Variants in LRP1B observed in about 807,000 individuals in gnomAD.
The protein encoded by LRP1B is low-density lipoprotein receptor-related protein 1B.
Under a neutral mutation model 556.6 loss-of-function variants are expected in LRP1B, and 217 were observed. The ratio of observed to expected loss-of-function variants is 0.39; its 90% confidence interval spans 0.35 to 0.44. LRP1B has a LOEUF of 0.44. Ranked by LOEUF, LRP1B falls within the 20% of genes least tolerant of loss-of-function variation. LRP1B has a pLI of 1.00. For synonymous variants in LRP1B, 2,047 were observed against 1,865.8 expected (o/e 1.10, Z -2.50); for missense variants, 5,053 against 5,620.8 (o/e 0.90, Z 3.23).
intron 1 of LRP1B, among the ~76,000 whole-genome samples, chr2:141,872,216 C>T (rs1698613275): frequency 6.6e-6 from 1 of 151,832 alleles, no homozygotes; most frequent in Non-Finnish European, 1.5e-5. Context: ...AATAAATATT[C>T]ATGTATGTGT....
intron 2 of LRP1B, among the ~76,000 whole-genome samples, chr2:141,616,067 A>C (rs1325117364): frequency 6.6e-6 from 1 of 152,146 alleles, no homozygotes; most frequent in Non-Finnish European, 1.5e-5. Context: ...GCGGACCACG[A>C]GGTCAGGAGT....
At chr2:141,540,018 T>C (rs1344956241) in intron 2 of LRP1B, among the ~76,000 whole-genome samples, 1 of 152,078 alleles carries the variant, frequency 6.6e-6, no homozygotes, top group African/African-American at 2.4e-5. Flanking sequence ...AAATAGGTGT[T>C]TCCAATAGCT....
chr2:141,822,120 C>CAGAGAG (rs1452163408), intron 1 of LRP1B, among the ~76,000 whole-genome samples: 40 of 103,386 alleles, frequency 3.9e-4, no homozygotes, highest in African/African-American at 9.7e-4. Context: ...CACACACACA[C>CAGAGAG]ACACACACAC....
intron 68 of LRP1B, among the ~76,000 whole-genome samples, chr2:140,376,016 GTTTT>G (rs150928947): frequency 6.7e-6 from 1 of 149,804 alleles, no homozygotes; most frequent in Admixed American, 6.7e-5. Flanking sequence ...CACTTGTTCA[GTTTT>G]TTTTTGTTCT....
At chr2:141,464,585 T>TATATATATATAC (rs1682090656) in intron 3 of LRP1B, among the ~76,000 whole-genome samples, 1 of 28,342 alleles carries the variant, frequency 3.5e-5, no homozygotes, top group East Asian at 2.2e-3. Context: ...GCTAATTTTG[T>TATATATATATAC]ATATATATAT....
chr2:142,082,025 A>T (rs1305349068), intron 1 of LRP1B, among the ~76,000 whole-genome samples: 1 of 152,208 alleles, frequency 6.6e-6, no homozygotes, highest in Non-Finnish European at 1.5e-5. Flanking sequence ...CATTTTGTCC[A>T]TAAGTCATCA....
At chr2:141,968,269 T>C (rs916999469) in intron 1 of LRP1B, among the ~76,000 whole-genome samples, 1 of 151,886 alleles carries the variant, frequency 6.6e-6, no homozygotes, top group Non-Finnish European at 1.5e-5. Context: ...TTTCTCTTGG[T>C]GATAAATGTA....
At chr2:141,378,100 T>A (rs1011487742) in intron 3 of LRP1B, among the ~76,000 whole-genome samples, 2 of 152,128 alleles carry the variant, frequency 1.3e-5, no homozygotes, top group African/African-American at 4.8e-5. Flanking sequence ...AACAAACAGC[T>A]ACAAGCCATA....
At chr2:141,922,003 A>G (rs1700198620) in intron 1 of LRP1B, among the ~76,000 whole-genome samples, 1 of 152,158 alleles carries the variant, frequency 6.6e-6, no homozygotes, top group Admixed American at 6.6e-5. Context: ...AGCATCCAAA[A>G]TAATGTCATA....
At chr2:140,684,321 T>C (rs1416169666) in intron 41 of LRP1B, among the ~76,000 whole-genome samples, 1 of 152,234 alleles carries the variant, frequency 6.6e-6, no homozygotes, top group Non-Finnish European at 1.5e-5. Context: ...CAGAAAAAGA[T>C]GGTTAATGTA....
chr2:142,115,605 A>G (rs560812184), intron 1 of LRP1B, among the ~76,000 whole-genome samples: 1,451 of 32,654 alleles, frequency 0.044, 309 homozygotes, highest in Non-Finnish European at 0.07. Context: ...TATATGTAAT[A>G]TATATTATAT....
At position 141,194,648 on chromosome 2, in the gene LRP1B, T is replaced by C. The variant is rs528441997; in HGVS notation, c.851-6065A>G. On this transcript the variant is annotated intron_variant, in intron 6 of 90. Coordinates refer to ENST00000389484, the MANE Select transcript of LRP1B (RefSeq NM_018557.3). ...ATTGGACCAAGGGCCACTAGTGTGA[T>C]GACACCACAGCAAAGAAAACACTGT... Among the ~76,000 whole-genome samples, 3 of 152,234 alleles carry C rather than the reference T, an allele frequency of 2.0e-5. No homozygotes were observed. The East Asian group carries it at 5.8e-4, about 29-fold the overall frequency.
chr2:140,245,409 T>C (rs1005563272), intron 87 of LRP1B, among the ~76,000 whole-genome samples: 1 of 151,456 alleles, frequency 6.6e-6, no homozygotes, highest in East Asian at 1.9e-4. Context: ...CCAAATTTCA[T>C]ACACAGTCTA....
intron 41 of LRP1B, among the ~76,000 whole-genome samples, chr2:140,679,437 T>C (rs1685786401): frequency 6.6e-6 from 1 of 152,226 alleles, no homozygotes; most frequent in East Asian, 1.9e-4. Flanking sequence ...TTAACATCTT[T>C]ATCATTCTGA....
At chr2:141,181,646 A>G (rs144372806) in intron 7 of LRP1B, among the ~76,000 whole-genome samples, 1 of 152,102 alleles carries the variant, frequency 6.6e-6, no homozygotes, top group East Asian at 1.9e-4. Flanking sequence ...AAAGAGCGCA[A>G]TGAGAGTCAA....
chr2:141,404,580 G>A (rs1690562480), intron 3 of LRP1B, among the ~76,000 whole-genome samples: 1 of 152,084 alleles, frequency 6.6e-6, no homozygotes, highest in African/African-American at 2.4e-5. Flanking sequence ...GTAATAATAA[G>A]TCAGCACAGA....
intron 6 of LRP1B, among the ~76,000 whole-genome samples, chr2:141,217,605 T>C (rs531047114): frequency 3.3e-5 from 5 of 152,258 alleles, no homozygotes; most frequent in African/African-American, 1.2e-4. Context: ...GGATTAAAAA[T>C]TTAAATGTAA....
chr2:141,775,483 G>T (rs1400318027), intron 2 of LRP1B, among the ~76,000 whole-genome samples: 2 of 152,106 alleles, frequency 1.3e-5, no homozygotes, highest in African/African-American at 2.4e-5. Context: ...TGTATTCATT[G>T]TTCATCAGTA....
At chr2:140,930,201 G>T (rs919464496) in intron 20 of LRP1B, among the ~76,000 whole-genome samples, 2 of 152,028 alleles carry the variant, frequency 1.3e-5, no homozygotes, top group African/African-American at 4.8e-5. Context: ...ATGTATATGT[G>T]CATGCTGTTT....
Sources: allele counts gnomAD v4.1 joint callset (sites outside exome capture counted in the v4.1 genomes callset), GRCh38; gene constraint gnomAD v4.1.1; transcripts MANE v1.5; gene names NCBI Gene and HGNC (gene_info 2026-07-23, HGNC 2026-07-21).